Variants in BMPR1A observed in about 807,000 individuals in gnomAD.
BMPR1A encodes bone morphogenetic protein receptor type 1A.
A neutral mutation model predicts 66.0 loss-of-function variants in BMPR1A; 7 were observed. The ratio of observed to expected loss-of-function variants is 0.11; its 90% CI spans 0.06 to 0.20. The LOEUF is 0.20. BMPR1A is among the 10% of genes least tolerant of loss of function. The pLI is 1.00. For missense variants in BMPR1A, 408 were observed against 669.1 expected (o/e 0.61, Z 4.31); for synonymous variants, 200 against 229.7 (o/e 0.87, Z 1.17).
At chr10:86,855,992 C>T in intron 2 of BMPR1A, 3 of 626,018 alleles carry the variant, frequency 4.8e-6, no homozygotes, top group Non-Finnish European at 9.0e-6. Context: ...CTTCCTTTAG[C>T]AGTTGAAAAT....
intron 2 of BMPR1A, among the ~76,000 whole-genome samples, chr10:86,847,616 A>G (rs1357913332): frequency 1.3e-5 from 2 of 151,972 alleles, no homozygotes; most frequent in East Asian, 3.9e-4. Flanking sequence ...CTGGGAGGCC[A>G]AGGTGGGAGG....
At chr10:86,908,438 G>A (rs1056913092) in intron 7 of BMPR1A, among the ~76,000 whole-genome samples, 2 of 152,230 alleles carry the variant, frequency 1.3e-5, no homozygotes, top group Non-Finnish European at 2.9e-5. Flanking sequence ...GAGGTGTTCA[G>A]TCTAGTACGA....
At chr10:86,802,216 A>G (rs1841822212) in intron 1 of BMPR1A, among the ~76,000 whole-genome samples, 1 of 152,162 alleles carries the variant, frequency 6.6e-6, no homozygotes, top group African/African-American at 2.4e-5. Context: ...AGCACAGTCC[A>G]GATGGTGGTG....
At chr10:86,856,112 C>T (rs1040207086) in intron 2 of BMPR1A, 2 of 526,554 alleles carry the variant, frequency 3.8e-6, no homozygotes, top group Non-Finnish European at 3.7e-6. Context: ...ATATCATAGA[C>T]TTTATTGGTT....
At chr10:86,760,066 A>T (rs1841013827) in intron 1 of BMPR1A, among the ~76,000 whole-genome samples, 1 of 143,972 alleles carries the variant, frequency 6.9e-6, no homozygotes, top group Non-Finnish European at 1.5e-5. Context: ...CCTTTATCTA[A>T]TCTTATGTAT....
At chr10:86,819,151 CTTAT>C (rs1419034947) in intron 1 of BMPR1A, among the ~76,000 whole-genome samples, 3 of 127,476 alleles carry the variant, frequency 2.4e-5, no homozygotes, top group African/African-American at 8.6e-5. Context: ...GAAATGGCTA[CTTAT>C]TTATTATTAT....
chr10:86,833,214 G>C (rs1007324956), intron 1 of BMPR1A, among the ~76,000 whole-genome samples: 19 of 152,180 alleles, frequency 1.2e-4, no homozygotes, highest in Non-Finnish European at 2.8e-4. Flanking sequence ...CCAGATGCTC[G>C]ACACTTGGTA....
intron 2 of BMPR1A, among the ~76,000 whole-genome samples, chr10:86,867,299 C>G (rs1176059531): frequency 6.6e-6 from 1 of 152,198 alleles, no homozygotes; most frequent in East Asian, 1.9e-4. Flanking sequence ...GCAAATATTA[C>G]AAATTTAAAA....
intron 1 of BMPR1A, among the ~76,000 whole-genome samples, chr10:86,787,046 T>C (rs567304138): frequency 6.6e-5 from 10 of 152,352 alleles, no homozygotes; most frequent in African/African-American, 2.2e-4. Flanking sequence ...CTGAGAATAA[T>C]ATCAAGGATT....
chr10:86,784,623 A>C (rs930792182), intron 1 of BMPR1A, among the ~76,000 whole-genome samples: 5 of 152,134 alleles, frequency 3.3e-5, no homozygotes, highest in African/African-American at 4.8e-5. Context: ...CAGTGAAGCT[A>C]TCTGGTCCTG....
chr10:86,846,557 C>A (rs1041379539), intron 2 of BMPR1A, among the ~76,000 whole-genome samples: 2 of 152,088 alleles, frequency 1.3e-5, no homozygotes, highest in Non-Finnish European at 2.9e-5. Context: ...AAAAATTAGC[C>A]GGGCATGGTG....
chr10:86,912,469 T>A (rs1176131588), intron 8 of BMPR1A, 85 bp downstream of exon 8: 32 of 1,524,756 alleles, frequency 2.1e-5, no homozygotes, highest in Non-Finnish European at 9.1e-7. Flanking sequence ...TTATTGCAGA[T>A]CAGGGAACAA....
At chr10:86,797,424 G>A (rs571117627) in intron 1 of BMPR1A, among the ~76,000 whole-genome samples, 1 of 152,096 alleles carries the variant, frequency 6.6e-6, no homozygotes, top group Admixed American at 6.5e-5. Flanking sequence ...TAGAGATGGG[G>A]TTTCGCAGTG....
chr10:86,898,911 A>G (rs1240128365), intron 5 of BMPR1A, among the ~76,000 whole-genome samples: 2 of 152,214 alleles, frequency 1.3e-5, no homozygotes, highest in East Asian at 3.8e-4. Flanking sequence ...AAAGTTATTA[A>G]TAAAACTTCA....
In BMPR1A at chr10:86,884,968, A is replaced by G. The variant is rs1192598689; in HGVS notation, c.68-5094A>G. Among the ~76,000 whole-genome samples the G allele has an allele frequency of 2.0e-5, 3 of 152,236 alleles. No homozygotes were observed. The East Asian group carries it at 5.8e-4, about 29-fold the overall frequency. ...TTTATTGGCCTTCCAAAAGTGTCAT[A>G]AAATAAGCCTAATCATTCACATATC... On this transcript the variant is annotated intron_variant, in intron 3 of 12. Coordinates refer to ENST00000372037, the MANE Select transcript of BMPR1A (RefSeq NM_004329.3).
In BMPR1A at chr10:86,870,895, T is replaced by A. The variant is rs374640484; in HGVS notation, c.-152-4972T>A. Among the ~76,000 whole-genome samples the A allele has an allele frequency of 3.3e-5, 5 of 152,288 alleles. No homozygotes were observed. In the East Asian group the frequency reaches 7.7e-4, roughly 24 times the overall value. ...TTACTCATCTGTTTGCTTTTGCTATTATCCCCTCCAGTCCATTACGTAGAA... is the reference window on the plus strand; with the variant it reads ...TTACTCATCTGTTTGCTTTTGCTATAATCCCCTCCAGTCCATTACGTAGAA... On this transcript the variant is annotated intron_variant, in intron 2 of 12. Transcript: ENST00000372037.
chr10:86,914,653 A>G (rs541047846), intron 8 of BMPR1A, among the ~76,000 whole-genome samples: 1 of 152,348 alleles, frequency 6.6e-6, no homozygotes, highest in African/African-American at 2.4e-5. Flanking sequence ...TATACAAATT[A>G]AACACAGTAA....
chr10:86,770,620 C>A (rs987552917), intron 1 of BMPR1A, among the ~76,000 whole-genome samples: 2 of 152,184 alleles, frequency 1.3e-5, no homozygotes, highest in Admixed American at 6.5e-5. Flanking sequence ...CCTCCCTCCC[C>A]TATTCATCAG....
chr10:86,871,072 C>G (rs1224893889), intron 2 of BMPR1A, among the ~76,000 whole-genome samples: 2 of 152,196 alleles, frequency 1.3e-5, no homozygotes, highest in Non-Finnish European at 2.9e-5. Flanking sequence ...TTGCTTTTCT[C>G]TCCCTCAAGA....
Sources: gnomAD v4.1 joint callset for allele counts (sites outside exome capture counted in the v4.1 genomes callset) on GRCh38, gnomAD v4.1.1 for gene constraint, MANE v1.5 for transcripts, NCBI Gene and HGNC (gene_info 2026-07-23, HGNC 2026-07-21) for gene names.